ANKRD44: variants seen among roughly 807,000 people sequenced by gnomAD.
ANKRD44 encodes the protein serine/threonine-protein phosphatase 6 regulatory ankyrin repeat subunit B.
ANKRD44 carries 35 observed loss-of-function variants against 116.0 expected under a neutral mutation model. The observed-to-expected ratio is 0.30, with a 90% CI of 0.23 to 0.40. The LOEUF (loss-of-function observed/expected upper bound fraction) is 0.40, where lower values mean the gene tolerates loss of function less well. Among genes scored for constraint, ANKRD44 ranks in the 10% least tolerant of loss-of-function variants. ANKRD44 has a pLI of 1.00. For synonymous variants in ANKRD44, 435 were observed against 461.8 expected (o/e 0.94, Z 0.74); for missense variants, 1,014 against 1,242.6 (o/e 0.82, Z 2.77).
chr2:197,238,671 A>T (rs1171662822), intron 1 of ANKRD44, among the ~76,000 whole-genome samples: 2 of 152,010 alleles, frequency 1.3e-5, no homozygotes, highest in Non-Finnish European at 2.9e-5. Flanking sequence ...ATGGTGCTCG[A>T]TGGTGATAAG....
In ANKRD44 at chr2:196,986,773, A is replaced by G. The variant is rs1003538036; in HGVS notation, c.*2818T>C. ...CGTTATTAGAGCATTCAGTAGTTGC[A>G]AAAGTATTAAACTGTGCTTGAGAAG... On this transcript the variant is annotated 3_prime_UTR_variant, in exon 28 of 28. Transcript: ENST00000282272. The G allele has an allele frequency of 4.1e-6, 4 of 985,092 alleles. No individual in the cohort carries two copies. Among genetic ancestry groups the G allele is most frequent in the Admixed American group, 6.2e-5 (1 of 16,260 alleles). 61.0% of individuals were successfully genotyped at this position (985,092 alleles called of 1,614,324 possible). A position where few individuals can be genotyped will look rare whatever the true frequency, so the allele number is the denominator to read the frequency against.
At chr2:197,176,264 A>G (rs1401818494) in intron 2 of ANKRD44, among the ~76,000 whole-genome samples, 2 of 152,218 alleles carry the variant, frequency 1.3e-5, no homozygotes, top group Non-Finnish European at 2.9e-5. Flanking sequence ...ATTTTAGTAA[A>G]CTACATGTCT....
chr2:197,029,408 G>T (rs2076661834), intron 16 of ANKRD44: 4 of 303,106 alleles, frequency 1.3e-5, no homozygotes, highest in South Asian at 1.2e-4. Flanking sequence ...GCTCTTTGGA[G>T]CTCTAGGCTT....
At chr2:197,022,523 C>T (rs768311282) in intron 17 of ANKRD44, among the ~76,000 whole-genome samples, 4 of 152,184 alleles carry the variant, frequency 2.6e-5, no homozygotes, top group Middle Eastern at 3.2e-3. Context: ...ACATGTGAGG[C>T]ATTGCCCCCA....
chr2:196,996,428 A>C (rs1249058923), intron 25 of ANKRD44, among the ~76,000 whole-genome samples: 1 of 152,216 alleles, frequency 6.6e-6, no homozygotes, highest in Non-Finnish European at 1.5e-5. Context: ...GGTAACACTG[A>C]TAATATTTTA....
At chr2:197,165,946 C>T (rs1012082380) in intron 2 of ANKRD44, among the ~76,000 whole-genome samples, 3 of 152,042 alleles carry the variant, frequency 2.0e-5, no homozygotes, top group African/African-American at 7.2e-5. Flanking sequence ...CAAGTTTAGA[C>T]AAAAAGACAT....
chr2:196,985,539 A>AG (rs1187933792), downstream of ANKRD44, among the ~76,000 whole-genome samples: 43 of 152,336 alleles, frequency 2.8e-4, no homozygotes, highest in African/African-American at 1.0e-3. Flanking sequence ...GCAGAAAAAA[A>AG]CAAAACATTA....
intron 2 of ANKRD44, among the ~76,000 whole-genome samples, chr2:197,178,649 T>C (rs957213844): frequency 6.6e-6 from 1 of 152,160 alleles, no homozygotes; most frequent in South Asian, 2.1e-4. Flanking sequence ...ATATATTAGA[T>C]GTTTACTTGA....
intron 20 of ANKRD44, 99 bp from the exon 21 acceptor site, chr2:197,006,009 G>T: frequency 9.0e-7 from 1 of 1,108,960 alleles, no homozygotes; most frequent in Non-Finnish European, 1.3e-6. Flanking sequence ...GTGGACATAT[G>T]CCTGGGTCTT....
intron 9 of ANKRD44, among the ~76,000 whole-genome samples, chr2:197,103,651 G>A (rs2078356579): frequency 6.6e-6 from 1 of 152,098 alleles, no homozygotes; most frequent in Non-Finnish European, 1.5e-5. Flanking sequence ...ATCTAGAAAG[G>A]TGTGATACAT....
chr2:196,969,018 C>CGT (rs2075695709), intron 21 of ANKRD44, among the ~76,000 whole-genome samples: 1 of 152,150 alleles, frequency 6.6e-6, no homozygotes, highest in African/African-American at 2.4e-5. Context: ...CTTATTTATA[C>CGT]ATATGTGCCA....
chr2:197,020,515 A>C (rs2076475904), intron 17 of ANKRD44, among the ~76,000 whole-genome samples: 1 of 152,220 alleles, frequency 6.6e-6, no homozygotes, highest in East Asian at 1.9e-4. Context: ...AAATAAAAAA[A>C]ATTGCAAAAG....
chr2:197,088,252 T>C (rs2077970432), intron 12 of ANKRD44, among the ~76,000 whole-genome samples: 2 of 152,250 alleles, frequency 1.3e-5, no homozygotes, highest in African/African-American at 4.8e-5. Context: ...TTGACCTATG[T>C]TCACATTTAA....
chr2:197,217,124 C>A (rs765788151), intron 1 of ANKRD44, among the ~76,000 whole-genome samples: 2 of 152,122 alleles, frequency 1.3e-5, no homozygotes, highest in African/African-American at 4.8e-5. Context: ...CAGATAATTT[C>A]ATTTACTTTC....
chr2:197,081,732 A>G lies in ANKRD44; in HGVS notation c.1458-7T>C. ...ATTTCCTAAGATAGTCTTACTTCTC[A>G]GCATAAAGGATAGAAAAAAAAATTG... On this transcript the variant is annotated splice_region_variant and splice_polypyrimidine_tract_variant and intron_variant, in intron 14 of 27. Transcript: ENST00000282272. 1 of 1,606,056 alleles carries G rather than the reference A, an allele frequency of 6.2e-7. No homozygotes were observed. The highest frequency in any genetic ancestry group is 8.5e-7 in the Non-Finnish European group (1 of 1,176,544).
At chr2:197,049,352 G>T (rs981329947) in intron 16 of ANKRD44, among the ~76,000 whole-genome samples, 2 of 152,044 alleles carry the variant, frequency 1.3e-5, no homozygotes, top group Admixed American at 6.6e-5. Flanking sequence ...TTAAAAATTT[G>T]CCATCTTCTA....
chr2:197,219,900 G>A (rs1440744708), intron 1 of ANKRD44, among the ~76,000 whole-genome samples: 1 of 152,160 alleles, frequency 6.6e-6, no homozygotes, highest in African/African-American at 2.4e-5. Context: ...AGAATACGAA[G>A]GAAGTAACAA....
chr2:197,218,584 C>T (rs978463310), intron 1 of ANKRD44, among the ~76,000 whole-genome samples: 1 of 152,050 alleles, frequency 6.6e-6, no homozygotes, highest in South Asian at 2.1e-4. Flanking sequence ...TCCTACAGCC[C>T]ACTTTGTACC....
chr2:197,016,768 T>C (rs2076400286), intron 17 of ANKRD44, among the ~76,000 whole-genome samples: 1 of 152,172 alleles, frequency 6.6e-6, no homozygotes, highest in Non-Finnish European at 1.5e-5. Context: ...AAAAGCCTGA[T>C]TCCAGTGTCT....
Sources: allele counts gnomAD v4.1 joint callset (sites outside exome capture counted in the v4.1 genomes callset), GRCh38; gene constraint gnomAD v4.1.1; transcripts MANE v1.5; gene names NCBI Gene and HGNC (gene_info 2026-07-23, HGNC 2026-07-21).